The following PPP3CA variants were observed in gnomAD, a reference collection of about 807,000 sequenced individuals.
PPP3CA encodes protein phosphatase 3 catalytic subunit alpha, also known as CAM-PRP catalytic subunit.
A neutral mutation model predicts 66.5 loss-of-function variants in PPP3CA; 14 were observed. That is an observed-to-expected ratio of 0.21 (90% CI 0.14 to 0.33). PPP3CA has a LOEUF of 0.33. Among genes scored for constraint, PPP3CA ranks in the 10% least tolerant of loss-of-function variants. PPP3CA has a pLI of 1.00. For missense variants in PPP3CA, 317 were observed against 639.5 expected, an observed-to-expected ratio of 0.50 and a Z score of 5.44; for synonymous variants, 232 against 226.2, an observed-to-expected ratio of 1.03 and a Z score of -0.23.
chr4:101,346,195 G>T (rs930476630), intron 1 of PPP3CA, among the ~76,000 whole-genome samples: 4 of 152,218 alleles, frequency 2.6e-5, no homozygotes, highest in African/African-American at 9.6e-5. Context: ...GGGGGAGGGG[G>T]AGGGGGAGGG....
At chr4:101,150,730 A>T (rs552442815) in intron 2 of PPP3CA, among the ~76,000 whole-genome samples, 1 of 152,350 alleles carries the variant, frequency 6.6e-6, no homozygotes, top group Non-Finnish European at 1.5e-5. Flanking sequence ...AGCAAAATAA[A>T]GTCTAAATGC....
chr4:101,075,623 AG>A (rs1729153112), intron 8 of PPP3CA, among the ~76,000 whole-genome samples: 1 of 152,200 alleles, frequency 6.6e-6, no homozygotes, highest in African/African-American at 2.4e-5. Context: ...GTTTACATCA[AG>A]GTATAAAATA....
At chr4:101,093,997 C>T (rs937865871) in intron 5 of PPP3CA, 82 bp from the exon 6 acceptor site, 2 of 1,305,056 alleles carry the variant, frequency 1.5e-6, no homozygotes, top group Non-Finnish European at 2.1e-6. Flanking sequence ...AAGCACTGTG[C>T]AGAACCCATC....
intron 1 of PPP3CA, among the ~76,000 whole-genome samples, chr4:101,275,801 TTTTG>T (rs1727471027): frequency 6.6e-6 from 1 of 152,112 alleles, no homozygotes; most frequent in East Asian, 1.9e-4. Flanking sequence ...TTTACATCTT[TTTTG>T]TTTGTTTTGG....
rs760363553 is a variant in PPP3CA, at chr4:101,061,164, A to G, written c.1082-3T>C. On this transcript the variant is annotated splice_polypyrimidine_tract_variant and splice_region_variant and intron_variant, in intron 9 of 13. Transcript: ENST00000394854. ...GACATTTACCAGCATCTCAGTCACT[A>G]AAGAGAGAAAGCAAAGAAAGAAAAG... 7.5e-6 allele frequency: 12 copies of G among 1,610,480 alleles called. No individual in the cohort carries two copies. In the African/African-American group the frequency reaches 8.0e-5, roughly 11 times the overall value.
chr4:101,202,643 T>C (rs1010063427), intron 1 of PPP3CA, among the ~76,000 whole-genome samples: 3 of 152,246 alleles, frequency 2.0e-5, no homozygotes, highest in South Asian at 2.1e-4. Context: ...ACTTGCGTGT[T>C]TGAAAGTCTT....
At chr4:101,053,656 CT>C (rs1728103991) in intron 10 of PPP3CA, among the ~76,000 whole-genome samples, 1 of 152,004 alleles carries the variant, frequency 6.6e-6, no homozygotes, top group Non-Finnish European at 1.5e-5. Context: ...GTCAGTTTTA[CT>C]CAAACTCCTG....
intron 8 of PPP3CA, among the ~76,000 whole-genome samples, chr4:101,077,129 C>T (rs112324959): frequency 6.6e-6 from 1 of 152,118 alleles, no homozygotes; most frequent in Non-Finnish European, 1.5e-5. Flanking sequence ...AACATTTAGT[C>T]CTCATAACTT....
intron 11 of PPP3CA, among the ~76,000 whole-genome samples, chr4:101,037,192 T>C (rs776613007): frequency 6.6e-6 from 1 of 152,166 alleles, no homozygotes; most frequent in Non-Finnish European, 1.5e-5. Flanking sequence ...CCCAAAATGC[T>C]GAGGTGGAAG....
chr4:101,188,653 T>C (rs189230576), intron 2 of PPP3CA, among the ~76,000 whole-genome samples: 3 of 152,264 alleles, frequency 2.0e-5, no homozygotes, highest in Admixed American at 6.5e-5. Context: ...GAAAAGAACA[T>C]TGGGCTCTTT....
At chr4:101,134,821 G>A (rs2732515) in intron 2 of PPP3CA, among the ~76,000 whole-genome samples, 84,743 of 151,598 alleles carry the variant, frequency 0.56, 26,497 homozygotes, top group African/African-American at 0.84. Flanking sequence ...AAAGACTTGG[G>A]GACAATCCAA....
chr4:101,158,164 A>C (rs2110304309), intron 2 of PPP3CA: 1 of 152,232 alleles, frequency 6.6e-6, no homozygotes, highest in Non-Finnish European at 1.5e-5. Flanking sequence ...AAGAAGAAAA[A>C]CCCACCAGAA....
intron 2 of PPP3CA, among the ~76,000 whole-genome samples, chr4:101,148,283 A>C (rs1407093974): frequency 1.3e-5 from 2 of 152,138 alleles, no homozygotes; most frequent in Admixed American, 6.5e-5. Context: ...TACATATATG[A>C]TTTAAAATAA....
chr4:101,161,435 G>T (rs1487702966), intron 2 of PPP3CA, among the ~76,000 whole-genome samples: 1 of 151,966 alleles, frequency 6.6e-6, no homozygotes, highest in Non-Finnish European at 1.5e-5. Flanking sequence ...TTTTTCTCAG[G>T]CTATAATTTT....
chr4:101,079,090 G>A (rs1729313768), intron 8 of PPP3CA, among the ~76,000 whole-genome samples: 1 of 152,160 alleles, frequency 6.6e-6, no homozygotes, highest in Non-Finnish European at 1.5e-5. Context: ...TCCAGCAGAT[G>A]TCATTCTCTG....
At chr4:101,333,456 A>G (rs1729511588) in intron 1 of PPP3CA, among the ~76,000 whole-genome samples, 1 of 151,264 alleles carries the variant, frequency 6.6e-6, no homozygotes, top group South Asian at 2.1e-4. Flanking sequence ...ATATTATCAA[A>G]CTAATTTTAA....
chr4:101,124,737 AAGAAAGAAAG>A (rs1722175174), intron 2 of PPP3CA, among the ~76,000 whole-genome samples: 1 of 73,970 alleles, frequency 1.4e-5, no homozygotes, highest in African/African-American at 6.0e-5. Flanking sequence ...GAAAGAAAGA[AAGAAAGAAAG>A]AAAGAAAGAA....
At chr4:101,168,435 T>C (rs1723763042) in intron 2 of PPP3CA, among the ~76,000 whole-genome samples, 1 of 152,066 alleles carries the variant, frequency 6.6e-6, no homozygotes, top group Non-Finnish European at 1.5e-5. Context: ...GATGAGAATA[T>C]TTAGGAATCA....
intron 5 of PPP3CA, among the ~76,000 whole-genome samples, chr4:101,096,921 A>G (rs1220393954): frequency 6.6e-6 from 1 of 152,192 alleles, no homozygotes; most frequent in African/African-American, 2.4e-5. Context: ...CAGACTTAGC[A>G]ATCAAGTTTC....
Sources: gnomAD v4.1 joint callset for allele counts (sites outside exome capture counted in the v4.1 genomes callset) on GRCh38, gnomAD v4.1.1 for gene constraint, MANE v1.5 for transcripts, NCBI Gene and HGNC (gene_info 2026-07-23, HGNC 2026-07-21) for gene names.